CCDC33: variants seen among roughly 807,000 people sequenced by gnomAD.
The protein encoded by CCDC33 is coiled-coil domain-containing protein 33.
Under a neutral mutation model 91.9 loss-of-function variants are expected in CCDC33, and 94 were observed. The ratio of observed to expected loss-of-function variants is 1.02; its 90% CI spans 0.87 to 1.21. The LOEUF (loss-of-function observed/expected upper bound fraction) is 1.21. Ranked by LOEUF, CCDC33 falls within the 50% of genes most tolerant of loss-of-function variation. The pLI, the probability that CCDC33 is intolerant of heterozygous loss-of-function variation, is 0.00. For missense variants in CCDC33, 940 were observed against 935.5 expected, an observed-to-expected ratio of 1.00 and a Z score of -0.06; for synonymous variants, 396 against 374.5, an observed-to-expected ratio of 1.06 and a Z score of -0.66.
chr15:74,329,989 T>G (rs2060392674), intron 11 of CCDC33, among the ~76,000 whole-genome samples, 200 bp from the exon 12 acceptor site: 1 of 152,180 alleles, frequency 6.6e-6, no homozygotes, highest in African/African-American at 2.4e-5. Flanking sequence ...TTAGTGTGGC[T>G]GCCCTCACAT....
intron 2 of CCDC33, among the ~76,000 whole-genome samples, chr15:74,245,695 G>A (rs941133416): frequency 6.6e-6 from 1 of 151,208 alleles, no homozygotes; most frequent in African/African-American, 2.4e-5. Context: ...GGTTCGGAGA[G>A]CCGGGCACAC....
intron 2 of CCDC33, among the ~76,000 whole-genome samples, chr15:74,245,470 G>A (rs890316545): frequency 1.3e-5 from 2 of 152,192 alleles, no homozygotes; most frequent in African/African-American, 4.8e-5. Flanking sequence ...GGTTTCTAGC[G>A]GGGAGCTCGC....
chr15:74,272,606 G>A (rs925492345), intron 6 of CCDC33, among the ~76,000 whole-genome samples, 165 bp from the exon 7 acceptor site: 3 of 152,184 alleles, frequency 2.0e-5, no homozygotes, highest in South Asian at 2.1e-4. Context: ...ATTGATGCAC[G>A]CCCAGCCCAG....
intron 18 of CCDC33, chr15:74,335,635 G>C (rs1482285494): frequency 1.3e-5 from 5 of 391,814 alleles, no homozygotes; most frequent in Non-Finnish European, 2.3e-5. Flanking sequence ...TGAGCCAGCT[G>C]TGCTTTGCCC....
At chr15:74,209,417 G>A in exon 2 of CCDC33, 1 of 1,535,614 alleles carries the variant, frequency 6.5e-7, no homozygotes, top group Admixed American at 2.0e-5. Context: ...TTGCCAGAGG[G>A]GAACCACCAG....
intron 11 of CCDC33, 85 bp downstream of exon 11, chr15:74,296,033 T>C: frequency 8.0e-7 from 1 of 1,250,504 alleles, no homozygotes; most frequent in Non-Finnish European, 1.1e-6. Flanking sequence ...CAGGACTGCT[T>C]CATGCCTCAG....
chr15:74,224,467 T>C (rs2074722232), intron 2 of CCDC33, among the ~76,000 whole-genome samples: 1 of 152,192 alleles, frequency 6.6e-6, no homozygotes, highest in Non-Finnish European at 1.5e-5. Context: ...CAGATTTCCA[T>C]GTCATCTGTA....
upstream of CCDC33, among the ~76,000 whole-genome samples, chr15:74,215,886 AAAAGAAAGAAAG>A (rs1295954055): frequency 2.6e-5 from 3 of 113,840 alleles, no homozygotes; most frequent in African/African-American, 5.8e-5. Flanking sequence ...AAAAAAAAAA[AAAAGAAAGAAAG>A]AAAGAAAGAA....
chr15:74,207,900 C>T, intron 1 of CCDC33: 2 of 1,488,048 alleles, frequency 1.3e-6, no homozygotes, highest in Non-Finnish European at 1.8e-6. Flanking sequence ...GTGTCGTCGG[C>T]TGCCGTGCTC....
intron 2 of CCDC33, among the ~76,000 whole-genome samples, chr15:74,219,171 T>A (rs2074523868): frequency 6.6e-6 from 1 of 152,228 alleles, no homozygotes. Flanking sequence ...CACCAGTTTT[T>A]GTGGGAGGCC....
chr15:74,336,307 G>A, downstream of CCDC33: 1 of 1,403,608 alleles, frequency 7.1e-7, no homozygotes, highest in Non-Finnish European at 9.4e-7. Flanking sequence ...ACCCAGGAGG[G>A]TGGAGAGAAG....
In CCDC33 at chr15:74,245,357, A is replaced by G. The variant is rs2075489277; in HGVS notation, c.185+1209A>G. Among the ~76,000 whole-genome samples the G allele has an allele frequency of 2.6e-5, 4 of 152,212 alleles. No individual in the cohort carries two copies. The South Asian group carries it at 6.2e-4, about 24-fold the overall frequency. On this transcript the variant is annotated intron_variant, in intron 2 of 18. Transcript: ENST00000398814. Reference sequence around the variant, plus strand: ...GCAACAGGTGAAACACTTGCCTTAAAAGCCCCATTTGTGCCAGCCCAGCTC... The same window carrying G: ...GCAACAGGTGAAACACTTGCCTTAAGAGCCCCATTTGTGCCAGCCCAGCTC...
chr15:74,215,027 G>A (rs1209621533), upstream of CCDC33, among the ~76,000 whole-genome samples: 1 of 152,206 alleles, frequency 6.6e-6, no homozygotes, highest in Admixed American at 6.5e-5. Context: ...TGACTTGTGT[G>A]GGCAAGTCAT....
chr15:74,219,779 T>C (rs762953514), intron 2 of CCDC33, among the ~76,000 whole-genome samples: 4 of 152,116 alleles, frequency 2.6e-5, no homozygotes, highest in Non-Finnish European at 5.9e-5. Flanking sequence ...GCCTGCCAAG[T>C]GGGTAAGACT....
At position 74,218,420 on chromosome 15, in the gene CCDC33, C is replaced by T. The variant is rs2074502926; in HGVS notation, c.311-77C>T. The T allele has an allele frequency of 1.6e-6, 2 of 1,215,248 alleles. No homozygotes were observed. The highest frequency in any genetic ancestry group is 2.1e-6 in the Non-Finnish European group (2 of 948,644). The allele number at this position is 1,215,248 out of a possible 1,614,324, so 75.3% of individuals were successfully genotyped here. On this transcript the variant is annotated intron_variant, in intron 1 of 2. Transcript: ENST00000635913. This position sits in a 1 kb window ranked among gnomAD's most constrained non-coding sequence, Gnocchi z 4.8. The stretch of plus-strand genomic sequence containing the variant: ...TGGGCAGCCCAGGTTTCCCCAGGGC[C>T]CTGCCTGTCCTCCTAGTCACCTGGC...
upstream of CCDC33, among the ~76,000 whole-genome samples, chr15:74,216,324 T>C (rs1456970774): frequency 1.3e-5 from 2 of 151,682 alleles, no homozygotes; most frequent in Non-Finnish European, 2.9e-5. Flanking sequence ...CTATCAGAGC[T>C]GAGAGATGAC....
chr15:74,242,973 G>C (rs1182184772), intron 1 of CCDC33, among the ~76,000 whole-genome samples: 2 of 152,078 alleles, frequency 1.3e-5, no homozygotes, highest in Admixed American at 1.3e-4. Context: ...AACCCTTTAA[G>C]GCCTCCTCCT....
At chr15:74,248,736 C>T (rs971837076) in intron 2 of CCDC33, among the ~76,000 whole-genome samples, 1 of 152,128 alleles carries the variant, frequency 6.6e-6, no homozygotes, top group Non-Finnish European at 1.5e-5. Context: ...GTAATAGGCA[C>T]ATCCTCCAGC....
chr15:74,221,953 G>A (rs150167776), intron 2 of CCDC33, among the ~76,000 whole-genome samples: 1 of 152,152 alleles, frequency 6.6e-6, no homozygotes, highest in Non-Finnish European at 1.5e-5. Flanking sequence ...GGGTAAGGGG[G>A]AGTTCATCAG....
Sources: allele counts gnomAD v4.1 joint callset (sites outside exome capture counted in the v4.1 genomes callset), GRCh38; gene constraint gnomAD v4.1.1; non-coding constraint Gnocchi (gnomAD v3.1); transcripts MANE v1.5; gene names NCBI Gene and HGNC (gene_info 2026-07-23, HGNC 2026-07-21).